Variants in ZNF385D observed in about 807,000 individuals in gnomAD.
ZNF385D encodes zinc finger protein 385D, also known as zinc finger protein 659.
Under a neutral mutation model 35.8 loss-of-function variants are expected in ZNF385D, and 15 were observed. The observed-to-expected ratio is 0.42, with a 90% CI of 0.28 to 0.64. The LOEUF is 0.64. Among genes scored for constraint, ZNF385D ranks in the 30% least tolerant of loss-of-function variants. ZNF385D has a pLI of 0.23. For synonymous variants in ZNF385D, 212 were observed against 186.8 expected (o/e 1.13, Z -1.10); for missense variants, 474 against 494.6 (o/e 0.96, Z 0.39).
At chr3:21,804,165 G>A (rs2072531521) in intron 3 of ZNF385D, among the ~76,000 whole-genome samples, 1 of 152,112 alleles carries the variant, frequency 6.6e-6, no homozygotes, top group Admixed American at 6.5e-5. Context: ...AAAACTATTT[G>A]GGCACAAGTA....
intron 2 of ZNF385D, among the ~76,000 whole-genome samples, chr3:21,628,406 C>A (rs1428860581): frequency 6.6e-6 from 1 of 151,958 alleles, no homozygotes; most frequent in Non-Finnish European, 1.5e-5. Flanking sequence ...TAGTCTGCCA[C>A]TAACTGATTG....
intron 3 of ZNF385D, among the ~76,000 whole-genome samples, chr3:22,160,564 A>G (rs752676344): frequency 2.0e-5 from 3 of 152,126 alleles, no homozygotes; most frequent in Non-Finnish European, 2.9e-5. Flanking sequence ...CAATCAATGG[A>G]AAGAAAAAAG....
At chr3:21,535,470 G>A (rs1267900395) in intron 3 of ZNF385D, among the ~76,000 whole-genome samples, 1 of 152,088 alleles carries the variant, frequency 6.6e-6, no homozygotes, top group Non-Finnish European at 1.5e-5. Context: ...GCAACTGCCA[G>A]AGTTAAAGCA....
intron 3 of ZNF385D, among the ~76,000 whole-genome samples, chr3:21,868,177 G>A (rs1357766859): frequency 1.3e-5 from 2 of 152,040 alleles, no homozygotes; most frequent in South Asian, 2.1e-4. Flanking sequence ...TTTTAAGCTC[G>A]TGCACGATGC....
At chr3:21,503,206 C>G (rs1210248516) in intron 4 of ZNF385D, among the ~76,000 whole-genome samples, 1 of 152,104 alleles carries the variant, frequency 6.6e-6, no homozygotes, top group African/African-American at 2.4e-5. Flanking sequence ...TAGCGTACAT[C>G]AGGAACAGGT....
At chr3:21,698,677 A>G (rs559505468) in intron 1 of ZNF385D, among the ~76,000 whole-genome samples, 39 of 152,296 alleles carry the variant, frequency 2.6e-4, no homozygotes, top group African/African-American at 8.7e-4. Context: ...AAAATGGGCA[A>G]AGGATATGAA....
chr3:21,582,657 T>TTAAG (rs1337602580), intron 2 of ZNF385D, among the ~76,000 whole-genome samples: 1 of 152,196 alleles, frequency 6.6e-6, no homozygotes, highest in Non-Finnish European at 1.5e-5. Flanking sequence ...ACCTTAAAGA[T>TTAAG]TAAGTCCACC....
intron 3 of ZNF385D, among the ~76,000 whole-genome samples, chr3:22,100,655 AG>A (rs1277165832): frequency 2.5e-4 from 33 of 129,896 alleles, no homozygotes; most frequent in Non-Finnish European, 3.3e-4. Context: ...GGACACAGGA[AG>A]GGGAACATCA....
At chr3:21,737,597 G>A (rs1441920538) in intron 1 of ZNF385D, among the ~76,000 whole-genome samples, 1 of 152,010 alleles carries the variant, frequency 6.6e-6, no homozygotes, top group Non-Finnish European at 1.5e-5. Flanking sequence ...GTGGTTGGTG[G>A]GGGGGATTTA....
chr3:22,230,784 T>C (rs1698842344), intron 2 of ZNF385D, among the ~76,000 whole-genome samples: 1 of 152,188 alleles, frequency 6.6e-6, no homozygotes, highest in African/African-American at 2.4e-5. Context: ...GCTGACCATG[T>C]TCTTTAATTT....
chr3:22,201,114 T>A (rs1328863821), intron 2 of ZNF385D, among the ~76,000 whole-genome samples: 1 of 152,092 alleles, frequency 6.6e-6, no homozygotes, highest in African/African-American at 2.4e-5. Flanking sequence ...GGGGAAGTGA[T>A]AAGTGTCCAT....
intron 3 of ZNF385D, among the ~76,000 whole-genome samples, chr3:21,787,611 G>C (rs1180084164): frequency 6.6e-6 from 1 of 152,150 alleles, no homozygotes; most frequent in Non-Finnish European, 1.5e-5. Flanking sequence ...GGAAAAGCCA[G>C]CTTCCTACCC....
intron 3 of ZNF385D, among the ~76,000 whole-genome samples, chr3:21,866,518 C>T (rs976765117): frequency 6.6e-6 from 1 of 152,136 alleles, no homozygotes; most frequent in Non-Finnish European, 1.5e-5. Flanking sequence ...ATATTGTTCT[C>T]AAACTGGTTT....
chr3:21,757,300 G>A (rs577367528), intron 3 of ZNF385D, among the ~76,000 whole-genome samples: 2 of 151,724 alleles, frequency 1.3e-5, no homozygotes, highest in Non-Finnish European at 2.9e-5. Context: ...ATGCCACCAT[G>A]CCAGGCTAAT....
intron 3 of ZNF385D, among the ~76,000 whole-genome samples, chr3:21,561,670 T>A (rs528041291): frequency 6.6e-6 from 1 of 152,200 alleles, no homozygotes; most frequent in South Asian, 2.1e-4. Context: ...AATAGGAAGG[T>A]CCAAAGAGAG....
intron 3 of ZNF385D, among the ~76,000 whole-genome samples, chr3:22,147,476 T>C (rs1458191216): frequency 6.6e-6 from 1 of 152,074 alleles, no homozygotes; most frequent in Admixed American, 6.6e-5. Context: ...CTGATGGTGG[T>C]GTTGGTAAAA....
chr3:21,799,202 G>A (rs759776751), intron 3 of ZNF385D, among the ~76,000 whole-genome samples: 50 of 152,266 alleles, frequency 3.3e-4, no homozygotes, highest in Middle Eastern at 3.4e-3. Context: ...CTATTAAGCA[G>A]TTGATGGATG....
At chr3:21,993,295 G>A (rs544429299) in intron 3 of ZNF385D, among the ~76,000 whole-genome samples, 46 of 152,132 alleles carry the variant, frequency 3.0e-4, no homozygotes, top group African/African-American at 1.1e-3. Context: ...ACACTATTTG[G>A]GATGTTTCCT....
intron 3 of ZNF385D, among the ~76,000 whole-genome samples, chr3:21,852,824 G>C (rs1696466927): frequency 1.3e-5 from 2 of 151,834 alleles, no homozygotes; most frequent in Admixed American, 1.3e-4. Context: ...TATTGAAAAA[G>C]AGTGAGACTT....
Sources: allele counts gnomAD v4.1 joint callset (sites outside exome capture counted in the v4.1 genomes callset), GRCh38; gene constraint gnomAD v4.1.1; transcripts MANE v1.5; gene names NCBI Gene and HGNC (gene_info 2026-07-23, HGNC 2026-07-21).